MAST4: variants seen among roughly 807,000 people sequenced by gnomAD.
MAST4 encodes microtubule-associated serine/threonine-protein kinase 4.
MAST4 carries 89 observed loss-of-function variants against 162.7 expected under a neutral mutation model. The observed-to-expected ratio is 0.55, with a 90% CI of 0.46 to 0.65. The LOEUF (loss-of-function observed/expected upper bound fraction) is 0.65, where lower values mean the gene tolerates loss of function less well. MAST4 is among the 30% of genes least tolerant of loss of function. The pLI is 0.00. For missense variants in MAST4, 3,153 were observed against 3,374.0 expected, an observed-to-expected ratio of 0.93 and a Z score of 1.62; for synonymous variants, 1,479 against 1,361.1, an observed-to-expected ratio of 1.09 and a Z score of -1.91.
In MAST4 at chr5:67,133,531, T is replaced by C. The variant is rs1281120769; in HGVS notation, c.2111T>C (p.Met704Thr). The change falls in exon 17 of 29, where the codon ATG (methionine) becomes ACG (threonine). Residue 704 changes from methionine to threonine, a missense_variant. Met to Thr is a moderately conservative substitution (Grantham distance 81). Transcript: ENST00000403625. ...CCTCATAGCTTGTTGGTTACCTCCA[T>C]GGGGCACATAAAGCTGACAGATTTT... ...LKPDNLLVTS[M>T]GHIKLTDFGL... 6.2e-7 allele frequency: 1 copy of C among 1,613,106 alleles called. No homozygotes were observed. Among genetic ancestry groups the C allele is most frequent in the African/African-American group, 1.3e-5 (1 of 74,888 alleles).
chr5:66,917,479 G>A (rs1354505821), intron 4 of MAST4: 1 of 152,968 alleles, frequency 6.5e-6, no homozygotes, highest in Admixed American at 6.5e-5. Flanking sequence ...GCTCAGAGTG[G>A]TATTGTCCAC....
chr5:66,862,628 T>A (rs893002188), intron 3 of MAST4, among the ~76,000 whole-genome samples: 1 of 152,232 alleles, frequency 6.6e-6, no homozygotes, highest in East Asian at 1.9e-4. Flanking sequence ...CTAAATAGTT[T>A]GTCAATGCCA....
chr5:66,649,670 A>G (rs925550100), intron 1 of MAST4, among the ~76,000 whole-genome samples: 1 of 152,082 alleles, frequency 6.6e-6, no homozygotes, highest in Non-Finnish European at 1.5e-5. Flanking sequence ...TGCTTCTGTA[A>G]CACCCTGCCT....
At chr5:66,876,877 G>A (rs890676593) in intron 3 of MAST4, among the ~76,000 whole-genome samples, 4 of 152,184 alleles carry the variant, frequency 2.6e-5, no homozygotes, top group Non-Finnish European at 4.4e-5. Context: ...GCAACAGCCC[G>A]AAGGAACACA....
chr5:66,810,881 A>G (rs143271391), intron 3 of MAST4, among the ~76,000 whole-genome samples: 1,688 of 152,308 alleles, frequency 0.011, 28 homozygotes, highest in Admixed American at 0.022. Flanking sequence ...GAGATGGGAA[A>G]GTGTCTGCTG....
intron 4 of MAST4, among the ~76,000 whole-genome samples, chr5:66,953,814 G>T (rs1030536479): frequency 6.6e-6 from 1 of 152,146 alleles, no homozygotes; most frequent in Non-Finnish European, 1.5e-5. Context: ...ATTCTTTGTT[G>T]TGGGGCAATA....
intron 3 of MAST4, among the ~76,000 whole-genome samples, chr5:66,893,640 G>A (rs374181315): frequency 1.3e-5 from 2 of 152,200 alleles, no homozygotes; most frequent in East Asian, 3.9e-4. Context: ...AGATAATTTA[G>A]GATTCTCCAT....
chr5:66,920,924 G>C (rs1169187291), intron 4 of MAST4, among the ~76,000 whole-genome samples: 1 of 152,100 alleles, frequency 6.6e-6, no homozygotes, highest in Non-Finnish European at 1.5e-5. Flanking sequence ...AAAGCCTGGG[G>C]GTTGGAGTGA....
At chr5:66,885,091 A>G (rs553478230) in intron 3 of MAST4, among the ~76,000 whole-genome samples, 11 of 152,318 alleles carry the variant, frequency 7.2e-5, no homozygotes, top group Middle Eastern at 3.4e-3. Context: ...ACAGAATGCA[A>G]ACATTTTTGT....
intron 1 of MAST4, among the ~76,000 whole-genome samples, chr5:66,647,730 T>C (rs555491317): frequency 6.6e-6 from 1 of 152,236 alleles, no homozygotes; most frequent in East Asian, 1.9e-4. Context: ...TGCTCAATTA[T>C]ATACTCACAC....
At chr5:67,079,446 G>A (rs982073500) in intron 5 of MAST4, among the ~76,000 whole-genome samples, 1 of 152,038 alleles carries the variant, frequency 6.6e-6, no homozygotes, top group African/African-American at 2.4e-5. Flanking sequence ...TTCTAGATAG[G>A]TACATACCCT....
chr5:67,167,175 A>G lies in MAST4; in HGVS notation c.*124A>G. The G allele has an allele frequency of 1.4e-6, 1 of 736,418 alleles. No individual in the cohort carries two copies. Among genetic ancestry groups the G allele is most frequent in the Non-Finnish European group, 1.9e-6 (1 of 513,474 alleles). The allele number at this position is 736,418 out of a possible 1,614,324, so 45.6% of individuals were successfully genotyped here. A position where few individuals can be genotyped will look rare whatever the true frequency, so the allele number is the denominator to read the frequency against. ...AGGCAGAGCTCGGAGCCTCATTGAG[A>G]CAGGGGAGAGAGAAAGACAAAGAGG... On this transcript the variant is annotated 3_prime_UTR_variant, in exon 29 of 29. Coordinates refer to ENST00000403625, the MANE Select transcript of MAST4 (RefSeq NM_001164664.2).
At chr5:67,061,406 T>C (rs1759582733) in intron 5 of MAST4, among the ~76,000 whole-genome samples, 1 of 152,222 alleles carries the variant, frequency 6.6e-6, no homozygotes, top group Non-Finnish European at 1.5e-5. Context: ...CTCTCTTTTG[T>C]TTAATTTTTA....
chr5:67,078,902 T>G (rs9763584), intron 5 of MAST4, among the ~76,000 whole-genome samples: 1 of 54,086 alleles, frequency 1.8e-5, no homozygotes. Context: ...ATTTATATAT[T>G]TTTATATAAA....
chr5:66,769,949 A>G (rs1754288295), intron 2 of MAST4, among the ~76,000 whole-genome samples: 2 of 152,330 alleles, frequency 1.3e-5, no homozygotes, highest in South Asian at 2.1e-4. Flanking sequence ...TCCTGCTGGT[A>G]TTTGTTTTAC....
At chr5:67,030,105 T>A (rs566796249) in intron 4 of MAST4, among the ~76,000 whole-genome samples, 1 of 152,254 alleles carries the variant, frequency 6.6e-6, no homozygotes, top group East Asian at 1.9e-4. Flanking sequence ...TCTAGGAAAT[T>A]GTAAAACCAA....
chr5:66,917,534 A>T (rs1222581659), intron 4 of MAST4, among the ~76,000 whole-genome samples: 4 of 152,048 alleles, frequency 2.6e-5, no homozygotes, highest in Middle Eastern at 3.4e-3. Context: ...CACTATTTTT[A>T]AAAAAACATT....
intron 3 of MAST4, among the ~76,000 whole-genome samples, chr5:66,838,366 C>G (rs12153770): frequency 1.4e-4 from 22 of 152,062 alleles, no homozygotes; most frequent in African/African-American, 5.1e-4. Context: ...AAGGACAGAA[C>G]CCCATTCTTT....
At chr5:66,900,847 A>C (rs1458271732) in intron 4 of MAST4, among the ~76,000 whole-genome samples, 2 of 152,146 alleles carry the variant, frequency 1.3e-5, no homozygotes, top group Non-Finnish European at 2.9e-5. Context: ...CTTTGCATCT[A>C]AGAACCAAAA....
Sources: gnomAD v4.1 joint callset for allele counts (sites outside exome capture counted in the v4.1 genomes callset) on GRCh38, gnomAD v4.1.1 for gene constraint, MANE v1.5 for transcripts, NCBI Gene and HGNC (gene_info 2026-07-23, HGNC 2026-07-21) for gene names.